The following BCKDHB variants were observed in gnomAD, a reference collection of about 807,000 sequenced individuals.
BCKDHB encodes 2-oxoisovalerate dehydrogenase subunit beta, mitochondrial.
Under a neutral mutation model 48.5 loss-of-function variants are expected in BCKDHB, and 41 were observed. That is an observed-to-expected ratio of 0.85 (90% CI 0.66 to 1.10). BCKDHB has a LOEUF of 1.10. Ranked by LOEUF, BCKDHB falls within the 50% of genes least tolerant of loss-of-function variation. BCKDHB has a pLI of 0.00. For missense variants in BCKDHB, 496 were observed against 494.2 expected, an observed-to-expected ratio of 1.00 and a Z score of -0.03; for synonymous variants, 201 against 174.8, an observed-to-expected ratio of 1.15 and a Z score of -1.18.
At chr6:80,411,654 C>T in the BCKDHB span, among the ~76,000 whole-genome samples, 1 of 152,330 alleles carries the variant, frequency 6.6e-6, no homozygotes, top group East Asian at 1.9e-4. Context: ...TGTTTACCTA[C>T]TCAAGTCTCA....
chr6:80,234,316 G>A (rs1047204459), intron 8 of BCKDHB, among the ~76,000 whole-genome samples: 12 of 152,044 alleles, frequency 7.9e-5, no homozygotes, highest in African/African-American at 2.4e-4. Context: ...AGAAGATTGC[G>A]ACTATTTAGT....
At chr6:80,323,808 T>C (rs1273154085) in intron 9 of BCKDHB, among the ~76,000 whole-genome samples, 2 of 152,248 alleles carry the variant, frequency 1.3e-5, no homozygotes, top group African/African-American at 4.8e-5. Flanking sequence ...AATCTCGCTC[T>C]GTTGCCCAGG....
At chr6:80,377,935 T>G in the BCKDHB span, among the ~76,000 whole-genome samples, 957 of 152,336 alleles carry the variant, frequency 6.3e-3, 13 homozygotes, top group African/African-American at 0.021. Context: ...ATTACAATGT[T>G]AAGTCTTTAG....
chr6:80,237,883 A>G (rs1309449656), intron 8 of BCKDHB, among the ~76,000 whole-genome samples: 7 of 152,056 alleles, frequency 4.6e-5, no homozygotes, highest in Admixed American at 4.6e-4. Flanking sequence ...AGACTGCTAT[A>G]AAAAAAAGGA....
intron 9 of BCKDHB, among the ~76,000 whole-genome samples, chr6:80,290,955 G>A (rs761727357): frequency 6.6e-6 from 1 of 152,224 alleles, no homozygotes; most frequent in Middle Eastern, 3.2e-3. Context: ...GAGTGTAGCA[G>A]TCAGGATGAC....
intron 9 of BCKDHB, among the ~76,000 whole-genome samples, chr6:80,335,389 A>T (rs1001466094): frequency 6.6e-6 from 1 of 152,004 alleles, no homozygotes; most frequent in East Asian, 1.9e-4. Context: ...CAAGTCGCTT[A>T]TGTTTATCAT....
At chr6:80,140,122 T>C (rs1771115141) in intron 3 of BCKDHB, among the ~76,000 whole-genome samples, 1 of 152,192 alleles carries the variant, frequency 6.6e-6, no homozygotes, top group Admixed American at 6.5e-5. Flanking sequence ...TATTGGTGTA[T>C]AAGAATGCTT....
intron 9 of BCKDHB, 36 bp from the exon 10 acceptor site, chr6:80,343,628 A>G (rs745429430): frequency 3.7e-6 from 6 of 1,612,820 alleles, no homozygotes; most frequent in Non-Finnish European, 5.1e-6. Context: ...GAGTAAAAAA[A>G]ATTCTTGAAG....
At chr6:80,401,915 G>C in the BCKDHB span, among the ~76,000 whole-genome samples, 11 of 151,654 alleles carry the variant, frequency 7.3e-5, no homozygotes, top group Admixed American at 2.0e-4. Context: ...CAAAAGTCAG[G>C]ATTTCCTTTT....
At chr6:80,214,651 A>G (rs1468517975) in intron 8 of BCKDHB, among the ~76,000 whole-genome samples, 1 of 152,228 alleles carries the variant, frequency 6.6e-6, no homozygotes, top group Non-Finnish European at 1.5e-5. Flanking sequence ...GGTTAATACC[A>G]CTAGGTTTCC....
chr6:80,317,348 A>G (rs1169157818), intron 9 of BCKDHB, among the ~76,000 whole-genome samples: 1 of 152,238 alleles, frequency 6.6e-6, no homozygotes, highest in Non-Finnish European at 1.5e-5. Context: ...CAAGGTGTCA[A>G]CAGAGCCGCA....
the BCKDHB span, among the ~76,000 whole-genome samples, chr6:80,397,750 C>T: frequency 2.0e-5 from 3 of 152,144 alleles, no homozygotes; most frequent in Admixed American, 6.5e-5. Flanking sequence ...GGCATGGTGG[C>T]GTGTGCCTAG....
At chr6:80,293,144 C>T (rs543461728) in intron 9 of BCKDHB, among the ~76,000 whole-genome samples, 1 of 152,314 alleles carries the variant, frequency 6.6e-6, no homozygotes, top group African/African-American at 2.4e-5. Context: ...TCGCACGCTC[C>T]ACTAGGGAGC....
rs1005529629 is a variant in BCKDHB, at chr6:80,300,987, A to C, written c.1038+27766A>C. Among the ~76,000 whole-genome samples the C allele has an allele frequency of 3.9e-5, 6 of 152,312 alleles. No individual in the cohort carries two copies. In the Middle Eastern group the frequency reaches 0.014, roughly 345 times the overall value. ...TCAGAAATAAAAAAAATTAGAAATT[A>C]ATGAAAATAGGGACACAATTTACCA... On this transcript the variant is annotated intron_variant, in intron 9 of 9. Transcript: ENST00000320393.
intron 9 of BCKDHB, among the ~76,000 whole-genome samples, chr6:80,313,485 C>T (rs1351643107): frequency 3.9e-5 from 6 of 152,056 alleles, no homozygotes; most frequent in South Asian, 4.1e-4. Context: ...CTCAGCCTCC[C>T]GAGTAGCTGG....
chr6:80,363,984 T>C, the BCKDHB span, among the ~76,000 whole-genome samples: 1 of 152,222 alleles, frequency 6.6e-6, no homozygotes, highest in Non-Finnish European at 1.5e-5. Flanking sequence ...TTTACTCCAT[T>C]GATTTGCATA....
chr6:80,208,858 A>G (rs1774790559), intron 8 of BCKDHB, among the ~76,000 whole-genome samples: 1 of 151,886 alleles, frequency 6.6e-6, no homozygotes, highest in South Asian at 2.1e-4. Context: ...TCCTTATGCA[A>G]ACCCTTACGG....
intron 9 of BCKDHB, among the ~76,000 whole-genome samples, chr6:80,294,065 C>T (rs950476675): frequency 6.6e-6 from 1 of 152,178 alleles, no homozygotes; most frequent in Non-Finnish European, 1.5e-5. Context: ...CCAAACTGTT[C>T]CAACCTCTGC....
the BCKDHB span, among the ~76,000 whole-genome samples, chr6:80,412,658 C>A: frequency 6.6e-6 from 1 of 152,036 alleles, no homozygotes; most frequent in South Asian, 2.1e-4. Context: ...AATTAATGTT[C>A]TTTAGCTTTA....
Sources: gnomAD v4.1 joint callset for allele counts (sites outside exome capture counted in the v4.1 genomes callset) on GRCh38, gnomAD v4.1.1 for gene constraint, MANE v1.5 for transcripts, NCBI Gene and HGNC (gene_info 2026-07-23, HGNC 2026-07-21) for gene names.